Variants in ATP9B observed in about 807,000 individuals in gnomAD.
The protein encoded by ATP9B is ATPase phospholipid transporting 9B.
Under a neutral mutation model 146.1 loss-of-function variants are expected in ATP9B, and 110 were observed. The ratio of observed to expected loss-of-function variants is 0.75; its 90% CI spans 0.65 to 0.88. ATP9B has a LOEUF of 0.88. Among genes scored for constraint, ATP9B ranks in the 40% least tolerant of loss-of-function variants. ATP9B has a pLI of 0.00. For missense variants in ATP9B, 1,499 were observed against 1,496.4 expected, an observed-to-expected ratio of 1.00 and a Z score of -0.03; for synonymous variants, 604 against 569.7, an observed-to-expected ratio of 1.06 and a Z score of -0.86.
chr18:79,190,545 C>T lies in ATP9B; in HGVS notation c.874-2638C>T, dbSNP rs12969734. Among the ~76,000 whole-genome samples the T allele has an allele frequency of 9.3e-5, 9 of 97,088 alleles. No homozygotes were observed. In the South Asian group the frequency reaches 1.8e-3, roughly 20 times the overall value. The allele number at this position is 97,088 out of a possible 152,430, so 63.7% of individuals were successfully genotyped here. A position where few individuals can be genotyped will look rare whatever the true frequency, so the allele number is the denominator to read the frequency against. ...ACACACACACACACACACACACACA[C>T]ATATACATATATTTTTGGCACAGAG... On this transcript the variant is annotated intron_variant, in intron 8 of 29. Transcript: ENST00000426216.
chr18:79,189,500 T>C (rs2095342324), intron 8 of ATP9B, among the ~76,000 whole-genome samples: 1 of 152,200 alleles, frequency 6.6e-6, no homozygotes. Flanking sequence ...CAAATTTAAC[T>C]GTTAATAGCC....
intron 11 of ATP9B, among the ~76,000 whole-genome samples, chr18:79,223,673 G>A (rs910509975): frequency 6.6e-6 from 1 of 152,096 alleles, no homozygotes; most frequent in Non-Finnish European, 1.5e-5. Flanking sequence ...GGCTCTTTGG[G>A]GTACATTAGC....
intron 9 of ATP9B, among the ~76,000 whole-genome samples, chr18:79,199,166 T>G (rs929235074): frequency 2.6e-5 from 4 of 152,012 alleles, no homozygotes; most frequent in Admixed American, 6.6e-5. Context: ...TTGGTCAGGC[T>G]GGTCTCGAAC....
At chr18:79,289,832 A>G (rs549003850) in intron 13 of ATP9B, among the ~76,000 whole-genome samples, 4 of 152,326 alleles carry the variant, frequency 2.6e-5, no homozygotes, top group Non-Finnish European at 4.4e-5. Context: ...CTTCTGACAG[A>G]CAGGACCCTC....
At chr18:79,284,835 T>C (rs530036247) in intron 13 of ATP9B, among the ~76,000 whole-genome samples, 3 of 147,412 alleles carry the variant, frequency 2.0e-5, no homozygotes, top group Non-Finnish European at 4.5e-5. Context: ...GTGTTCTCAT[T>C]GTTCAGTTCC....
intron 5 of ATP9B, among the ~76,000 whole-genome samples, chr18:79,141,220 G>A (rs1038707909): frequency 6.6e-6 from 1 of 151,990 alleles, no homozygotes; most frequent in African/African-American, 2.4e-5. Flanking sequence ...CCCTTTGCTC[G>A]GCACTTCTCA....
At chr18:79,367,712 C>G (rs757343517) in intron 26 of ATP9B, among the ~76,000 whole-genome samples, 1 of 152,256 alleles carries the variant, frequency 6.6e-6, no homozygotes, top group African/African-American at 2.4e-5. Context: ...TTCCCATCAC[C>G]AGGGATGAGA....
At chr18:79,344,242 A>T (rs375251956) in intron 20 of ATP9B, 23 bp from the exon 21 acceptor site, 7 of 1,604,590 alleles carry the variant, frequency 4.4e-6, no homozygotes. Flanking sequence ...TTAATTTGGG[A>T]TTCTTTTTCT....
At chr18:79,349,499 C>G (rs1177314326) in intron 25 of ATP9B, among the ~76,000 whole-genome samples, 1 of 152,300 alleles carries the variant, frequency 6.6e-6, no homozygotes, top group South Asian at 2.1e-4. Context: ...TGAGCTTACC[C>G]CAGGTCCACA....
At chr18:79,339,536 CAT>C (rs2096846767) in intron 19 of ATP9B, among the ~76,000 whole-genome samples, 1 of 149,666 alleles carries the variant, frequency 6.7e-6, no homozygotes, top group African/African-American at 2.5e-5. Flanking sequence ...GAGGCTGTAT[CAT>C]ATCTGAGATC....
intron 7 of ATP9B, chr18:79,173,727 C>G: frequency 6.6e-6 from 3 of 455,976 alleles, no homozygotes; most frequent in Middle Eastern, 3.3e-4. Context: ...ATTACTGCAG[C>G]CATCTGGTAA....
At chr18:79,092,945 T>C (rs186745821) in intron 1 of ATP9B, among the ~76,000 whole-genome samples, 51 of 152,368 alleles carry the variant, frequency 3.3e-4, no homozygotes, top group Non-Finnish European at 4.7e-4. Flanking sequence ...TCATTAGTTA[T>C]GATTGTCAGG....
chr18:79,166,092 G>A (rs1442695783), intron 7 of ATP9B, among the ~76,000 whole-genome samples: 1 of 152,104 alleles, frequency 6.6e-6, no homozygotes, highest in Non-Finnish European at 1.5e-5. Context: ...TTCTGCCCAG[G>A]GTGAGAGACA....
At chr18:79,138,557 G>C (rs2094474285) in intron 5 of ATP9B, among the ~76,000 whole-genome samples, 1 of 152,100 alleles carries the variant, frequency 6.6e-6, no homozygotes. Context: ...GAGTCTACCT[G>C]CTTTTGCAGT....
chr18:79,179,811 G>GA (rs1261316432), intron 8 of ATP9B, among the ~76,000 whole-genome samples: 1 of 152,146 alleles, frequency 6.6e-6, no homozygotes, highest in Non-Finnish European at 1.5e-5. Context: ...CAAGCTAATG[G>GA]AAAGTGTTGT....
chr18:79,328,088 CTGTGGTTAG>C (rs2096770065), intron 15 of ATP9B, among the ~76,000 whole-genome samples: 2 of 147,432 alleles, frequency 1.4e-5, no homozygotes, highest in Admixed American at 6.8e-5. Context: ...AGCGTGCTCT[CTGTGGTTAG>C]CGTGCTCTCT....
At chr18:79,166,602 C>T (rs190349625) in intron 7 of ATP9B, among the ~76,000 whole-genome samples, 3 of 152,266 alleles carry the variant, frequency 2.0e-5, no homozygotes, top group East Asian at 1.9e-4. Flanking sequence ...TGACTGAACA[C>T]GGGCAAAGTC....
At chr18:79,094,396 G>T (rs1329561194) in intron 1 of ATP9B, among the ~76,000 whole-genome samples, 3 of 152,144 alleles carry the variant, frequency 2.0e-5, no homozygotes, top group African/African-American at 7.2e-5. Flanking sequence ...GAAAGTCAGG[G>T]TTTTCTCTCA....
At chr18:79,142,003 A>G (rs575949218) in intron 5 of ATP9B, among the ~76,000 whole-genome samples, 1 of 152,366 alleles carries the variant, frequency 6.6e-6, no homozygotes, top group East Asian at 1.9e-4. Flanking sequence ...ACTTGATAAC[A>G]ATATGATCAT....
Sources: allele counts gnomAD v4.1 joint callset (sites outside exome capture counted in the v4.1 genomes callset), GRCh38; gene constraint gnomAD v4.1.1; transcripts MANE v1.5; gene names NCBI Gene and HGNC (gene_info 2026-07-23, HGNC 2026-07-21).